The following GLIS1 variants were observed in gnomAD, a reference collection of about 807,000 sequenced individuals.
The protein encoded by GLIS1 is GLIS family zinc finger 1.
A neutral mutation model predicts 63.8 loss-of-function variants in GLIS1; 24 were observed. That is an observed-to-expected ratio of 0.38 (90% CI 0.27 to 0.53). The LOEUF (loss-of-function observed/expected upper bound fraction) is 0.53, where lower values mean the gene tolerates loss of function less well. Among genes scored for constraint, GLIS1 ranks in the 20% least tolerant of loss-of-function variants. The probability of loss-of-function intolerance (pLI) is 0.85; values close to 1 mark genes in which losing one functional copy is unlikely to be tolerated. For synonymous variants in GLIS1, 450 were observed against 482.5 expected, an observed-to-expected ratio of 0.93 and a Z score of 0.88; for missense variants, 1,036 against 1,074.1, an observed-to-expected ratio of 0.96 and a Z score of 0.50.
intron 2 of GLIS1, among the ~76,000 whole-genome samples, chr1:53,649,205 T>A (rs1476049213): frequency 6.6e-6 from 1 of 152,232 alleles, no homozygotes; most frequent in African/African-American, 2.4e-5. Flanking sequence ...TATATACGAA[T>A]TATAAAAAGT....
chr1:53,587,383 G>A (rs2100511982), intron 4 of GLIS1, among the ~76,000 whole-genome samples: 1 of 152,234 alleles, frequency 6.6e-6, no homozygotes, highest in Middle Eastern at 3.4e-3. Flanking sequence ...GCCCAAAACA[G>A]GTCTCCTTCC....
At chr1:53,508,473 T>C (rs1257480712) in intron 10 of GLIS1, among the ~76,000 whole-genome samples, 3 of 152,202 alleles carry the variant, frequency 2.0e-5, no homozygotes, top group Non-Finnish European at 2.9e-5. Context: ...GAGGCTGTTT[T>C]GAGGGTGGGT....
chr1:53,738,571 G>A (rs1209850905), intron 1 of GLIS1, among the ~76,000 whole-genome samples: 3 of 152,296 alleles, frequency 2.0e-5, no homozygotes, highest in East Asian at 1.9e-4. Flanking sequence ...CTCCGGGGCC[G>A]AGCTGCGCGC....
intron 2 of GLIS1, among the ~76,000 whole-genome samples, chr1:53,729,193 T>C (rs146194316): frequency 1.4e-4 from 21 of 152,314 alleles, no homozygotes; most frequent in African/African-American, 4.6e-4. Flanking sequence ...ACAGAGGTTT[T>C]AAGCGAGAAG....
At chr1:53,614,219 C>A (rs1645455227) in intron 2 of GLIS1, among the ~76,000 whole-genome samples, 1 of 152,020 alleles carries the variant, frequency 6.6e-6, no homozygotes, top group Non-Finnish European at 1.5e-5. Context: ...CAAAAGTACA[C>A]AAATAAATAT....
intron 2 of GLIS1, among the ~76,000 whole-genome samples, chr1:53,606,716 C>T (rs1645373186): frequency 6.6e-6 from 1 of 152,252 alleles, no homozygotes; most frequent in South Asian, 2.1e-4. Context: ...CTGGAGCCGC[C>T]TTGGGGCATT....
rs74588008 is a variant in GLIS1, at chr1:53,672,652, T to C, written c.259+65154A>G. On this transcript the variant is annotated intron_variant, in intron 2 of 10. Coordinates refer to ENST00000628545, the MANE Select transcript of GLIS1 (RefSeq NM_001367484.1). ...GGCTTCTCTGCCAACCCAAACCCAG[T>C]TGGCTTTTGAGGCCTTGCATTTGCA... Among the ~76,000 whole-genome samples, 312 of 152,366 alleles carry C rather than the reference T, an allele frequency of 2.0e-3. 4 individuals carry two copies. The South Asian group carries it at 0.031, about 15-fold the overall frequency.
chr1:53,596,779 G>A (rs1645259758), intron 3 of GLIS1, among the ~76,000 whole-genome samples: 2 of 152,154 alleles, frequency 1.3e-5, no homozygotes, highest in South Asian at 2.1e-4. Flanking sequence ...GGGCTCCCTG[G>A]AAGGGAGCTG....
chr1:53,687,859 G>C (rs1360776284), intron 2 of GLIS1, among the ~76,000 whole-genome samples: 1 of 152,184 alleles, frequency 6.6e-6, no homozygotes, highest in Non-Finnish European at 1.5e-5. Flanking sequence ...CCAGGCACAG[G>C]TGCTTGACCT....
At chr1:53,736,835 G>A (rs916879146) in intron 2 of GLIS1, among the ~76,000 whole-genome samples, 2 of 152,172 alleles carry the variant, frequency 1.3e-5, no homozygotes, top group African/African-American at 4.8e-5. Flanking sequence ...TACCCCTTCC[G>A]AGTTGTGAGG....
At position 53,738,043 on chromosome 1, in the gene GLIS1, C is replaced by T; in HGVS notation, c.22G>A (p.Ala8Thr). MHCEVAE[A>T]HSDKRPKEAP... ...TCCTTAGGCCTCTTGTCCGAGTGTG[C>T]CTCAGCCACCTCGCAATGCATGGCG... The change falls in exon 2 of 11, where the codon GCA (alanine) becomes ACA (threonine). Residue 8 changes from alanine (A) to threonine (T), a missense_variant. Coordinates refer to ENST00000628545, the MANE Select transcript of GLIS1 (RefSeq NM_001367484.1). 1 of 1,230,614 alleles carries T rather than the reference C, an allele frequency of 8.1e-7. No individual in the cohort carries two copies. Among genetic ancestry groups the T allele is most frequent in the Non-Finnish European group, 1.0e-6 (1 of 987,192 alleles). 76.2% of individuals were successfully genotyped at this position (1,230,614 alleles called of 1,614,324 possible). A position where few individuals can be genotyped will look rare whatever the true frequency, so the allele number is the denominator to read the frequency against.
rs565079315 is a variant in GLIS1 at position 53,514,485 on chromosome 1, T to C, written c.1883+140A>G. Reference sequence around the variant, plus strand: ...CACACAAAGTGTGTGGAATGCAGTCTGCAGTCAGTGTTCCCTGAAGGTTGG... The same window carrying C: ...CACACAAAGTGTGTGGAATGCAGTCCGCAGTCAGTGTTCCCTGAAGGTTGG... On this transcript the variant is annotated intron_variant, in intron 8 of 10. Transcript: ENST00000628545. The C allele has an allele frequency of 6.2e-6, 5 of 802,256 alleles. No individual in the cohort carries two copies. In the East Asian group the frequency reaches 1.1e-4, roughly 18 times the overall value. 49.7% of individuals were successfully genotyped at this position (802,256 alleles called of 1,614,324 possible).
At chr1:53,555,763 G>C (rs1420005344) in intron 4 of GLIS1, among the ~76,000 whole-genome samples, 2 of 151,950 alleles carry the variant, frequency 1.3e-5, no homozygotes, top group Non-Finnish European at 2.9e-5. Flanking sequence ...GCAGGTGTGT[G>C]TGTGCAGGTG....
intron 2 of GLIS1, among the ~76,000 whole-genome samples, chr1:53,661,057 T>A (rs373328567): frequency 3.9e-5 from 6 of 152,208 alleles, no homozygotes; most frequent in African/African-American, 1.2e-4. Context: ...CTGAGCAAGA[T>A]AGACACATAT....
At chr1:53,528,381 G>A (rs1000984361) in intron 5 of GLIS1, among the ~76,000 whole-genome samples, 5 of 152,198 alleles carry the variant, frequency 3.3e-5, no homozygotes, top group African/African-American at 1.2e-4. Context: ...GCCCAGCCCA[G>A]GTTTGCATCC....
intron 2 of GLIS1, among the ~76,000 whole-genome samples, chr1:53,722,186 A>T (rs1646762390): frequency 6.6e-6 from 1 of 152,250 alleles, no homozygotes; most frequent in African/African-American, 2.4e-5. Context: ...TGTGAAAATC[A>T]GTGTACCCTT....
chr1:53,702,193 G>A (rs1646531112), intron 2 of GLIS1, among the ~76,000 whole-genome samples: 1 of 152,002 alleles, frequency 6.6e-6, no homozygotes, highest in Admixed American at 6.5e-5. Context: ...GGTGCTGTGG[G>A]GTCAGAAGGG....
chr1:53,691,502 T>G (rs1044076428), intron 2 of GLIS1, among the ~76,000 whole-genome samples: 1 of 152,106 alleles, frequency 6.6e-6, no homozygotes, highest in Non-Finnish European at 1.5e-5. Flanking sequence ...GATCCCAGAT[T>G]CACACGGACT....
chr1:53,689,311 G>A (rs1646376284), intron 2 of GLIS1, among the ~76,000 whole-genome samples: 1 of 152,182 alleles, frequency 6.6e-6, no homozygotes, highest in African/African-American at 2.4e-5. Context: ...AGGCTTCACA[G>A]AGGCACCACC....
Sources: gnomAD v4.1 joint callset for allele counts (sites outside exome capture counted in the v4.1 genomes callset) on GRCh38, gnomAD v4.1.1 for gene constraint, MANE v1.5 for transcripts, NCBI Gene and HGNC (gene_info 2026-07-23, HGNC 2026-07-21) for gene names.